The following USP8 variants were observed in gnomAD, a reference collection of about 807,000 sequenced individuals.
USP8 encodes ubiquitin specific peptidase 8, also known as ubiquitin carboxyl-terminal hydrolase 8.
A neutral mutation model predicts 130.0 loss-of-function variants in USP8; 27 were observed. That is an observed-to-expected ratio of 0.21 (90% CI 0.15 to 0.29). USP8 has a LOEUF of 0.29. Ranked by LOEUF, USP8 falls within the 10% of genes least tolerant of loss-of-function variation. The probability of loss-of-function intolerance (pLI) is 1.00; values close to 1 mark genes in which losing one functional copy is unlikely to be tolerated. For synonymous variants in USP8, 392 were observed against 444.1 expected (o/e 0.88, Z 1.48); for missense variants, 1,029 against 1,312.2 (o/e 0.78, Z 3.33).
chr15:50,433,146 G>A (rs149080813), intron 1 of USP8, among the ~76,000 whole-genome samples: 57 of 152,146 alleles, frequency 3.7e-4, no homozygotes, highest in African/African-American at 1.3e-3. Context: ...GGAGGCTGAG[G>A]CTGCTTGAAT....
At chr15:50,487,362 AAGAGAGAG>A (rs112249459) in intron 12 of USP8, among the ~76,000 whole-genome samples, 6 of 150,086 alleles carry the variant, frequency 4.0e-5, no homozygotes, top group Non-Finnish European at 7.4e-5. Context: ...AGAGAAAATG[AAGAGAGAG>A]AGAGAGAGAG....
chr15:50,433,647 C>T (rs532300588), intron 1 of USP8, among the ~76,000 whole-genome samples: 8 of 152,020 alleles, frequency 5.3e-5, no homozygotes, highest in Admixed American at 2.6e-4. Context: ...TCTCTGTTGC[C>T]CAGGCTGCAG....
intron 12 of USP8, among the ~76,000 whole-genome samples, chr15:50,487,550 C>G (rs1387659123): frequency 6.6e-6 from 1 of 152,204 alleles, no homozygotes; most frequent in Non-Finnish European, 1.5e-5. Flanking sequence ...GGGCTTCACA[C>G]CAGCTACAGC....
rs757196521 is a variant in USP8, at chr15:50,441,419, G to A, written c.175G>A (p.Ala59Thr). The change falls in exon 3 of 20, where the codon GCC becomes ACC. Residue 59 changes from alanine (A) to threonine (T), a missense_variant. Transcript: ENST00000307179. The stretch of plus-strand genomic sequence containing the variant: ...CAGATTAGATCGTGATGAGGAAAGG[G>A]CCTATGTACTATATATGAAATACGT... ...ECRLDRDEER[A>T]YVLYMKYVTV... 6.2e-7 allele frequency: 1 copy of A among 1,609,500 alleles called. No individual in the cohort carries two copies. Among genetic ancestry groups the A allele is most frequent in the Non-Finnish European group, 8.5e-7 (1 of 1,178,930 alleles).
rs1196903263 is a variant in USP8, at chr15:50,506,575, CA to C, written c.*7491del. 1.3e-5 allele frequency: 2 copies of C among 152,070 alleles called. No homozygotes were observed. Among genetic ancestry groups the C allele is most frequent in the South Asian group, 2.1e-4 (1 of 4,836 alleles). 9.4% of individuals were successfully genotyped at this position (152,070 alleles called of 1,614,324 possible). Reference sequence around the variant, plus strand: ...TAGAAAAATAAGGCTAACATAAACACAAAAGAAGATGACGACAAGTAAATCC... The same window carrying C: ...TAGAAAAATAAGGCTAACATAAACACAAAGAAGATGACGACAAGTAAATCC... On this transcript the variant is annotated 3_prime_UTR_variant, in exon 20 of 20. Coordinates refer to ENST00000307179, the MANE Select transcript of USP8 (RefSeq NM_005154.5).
intron 3 of USP8, among the ~76,000 whole-genome samples, chr15:50,444,889 C>T (rs574114382): frequency 6.0e-4 from 92 of 152,214 alleles, no homozygotes; most frequent in African/African-American, 2.1e-3. Flanking sequence ...TCCAGAGTAG[C>T]TGGGAGTACA....
rs1481957747 is a variant in USP8, at chr15:50,439,154, A to G, written c.81A>G (p.Lys27=). ...LKDLNKKTEV[K]PEKISTKSYV... is the part of the protein sequence containing the mutation. ...ACCTTAATAAGAAGACAGAAGTTAA[A>G]CCAGAGAAAATAAGCACTAAGAGGT... The change falls in exon 2 of 20, where the codon AAA becomes AAG. Residue 27 remains lysine, a synonymous_variant. Coordinates refer to ENST00000307179, the MANE Select transcript of USP8 (RefSeq NM_005154.5). The G allele has an allele frequency of 2.5e-6, 4 of 1,576,644 alleles. No individual in the cohort carries two copies. The highest frequency in any genetic ancestry group is 3.4e-6 in the Non-Finnish European group (4 of 1,167,446).
At chr15:50,430,120 T>A (rs2049884039) in intron 1 of USP8, among the ~76,000 whole-genome samples, 1 of 152,138 alleles carries the variant, frequency 6.6e-6, no homozygotes, top group Non-Finnish European at 1.5e-5. Context: ...AAGAGTTGTA[T>A]TTTTTTAGTA....
At chr15:50,438,065 G>T (rs2050142110) in intron 1 of USP8, among the ~76,000 whole-genome samples, 1 of 152,132 alleles carries the variant, frequency 6.6e-6, no homozygotes, top group South Asian at 2.1e-4. Flanking sequence ...ATGTGCACAG[G>T]GTTAGAAGGG....
At chr15:50,438,234 A>G (rs2050146410) in intron 1 of USP8, among the ~76,000 whole-genome samples, 1 of 152,226 alleles carries the variant, frequency 6.6e-6, no homozygotes. Context: ...TTAGATGTTC[A>G]TTGATGTCCA....
Position 50,449,435 on chromosome 15 carries a change from C to CA in USP8, c.291dup (p.Ala98SerfsTer6). On this transcript the variant is annotated frameshift_variant, in exon 4 of 20. Transcript: ENST00000307179. LOFTEE classifies it high-confidence loss of function. ...ATTCAATACTTGGACCTGGAAACATCAAAAAAGCTGTCGAAGAAGCTGAAA... is the reference window on the plus strand; with the variant it reads ...ATTCAATACTTGGACCTGGAAACATCAAAAAAAGCTGTCGAAGAAGCTGAAA... The CA allele has an allele frequency of 6.3e-7, 1 of 1,597,230 alleles. No individual in the cohort carries two copies. The highest frequency in any genetic ancestry group is 8.5e-7 in the Non-Finnish European group (1 of 1,170,698).
chr15:50,478,206 T>C (rs1192039088), intron 10 of USP8, among the ~76,000 whole-genome samples: 1 of 152,246 alleles, frequency 6.6e-6, no homozygotes, highest in Non-Finnish European at 1.5e-5. Context: ...AAAACAGTGC[T>C]TTAGTTTCAT....
intron 16 of USP8, among the ~76,000 whole-genome samples, chr15:50,494,591 T>C (rs1382361767): frequency 1.3e-5 from 2 of 152,250 alleles, no homozygotes; most frequent in Non-Finnish European, 2.9e-5. Context: ...TATAGACAGT[T>C]TGAGCATTTT....
chr15:50,464,733 G>C (rs1595941203), intron 6 of USP8, among the ~76,000 whole-genome samples: 1 of 152,084 alleles, frequency 6.6e-6, no homozygotes, highest in African/African-American at 2.4e-5. Flanking sequence ...AACAGCCTGT[G>C]TTCCCAGCTA....
intron 17 of USP8, 147 bp downstream of exon 17, chr15:50,496,231 C>T (rs62019113): frequency 0.15 from 95,444 of 629,816 alleles, 9,115 homozygotes; most frequent in Admixed American, 0.28. Flanking sequence ...CTTGTACTCC[C>T]AGCACTTTGG....
intron 3 of USP8, among the ~76,000 whole-genome samples, chr15:50,444,033 T>G (rs983194543): frequency 6.6e-6 from 1 of 152,116 alleles, no homozygotes; most frequent in Non-Finnish European, 1.5e-5. Flanking sequence ...TAAATATTTT[T>G]GAAAGTCTTA....
At chr15:50,480,370 G>GC (rs2051721105) in intron 10 of USP8, among the ~76,000 whole-genome samples, 1 of 152,154 alleles carries the variant, frequency 6.6e-6, no homozygotes, top group South Asian at 2.1e-4. Flanking sequence ...TACTAACTGT[G>GC]CCAGGCACAG....
chr15:50,497,340 C>G (rs1210420605), intron 18 of USP8, 109 bp downstream of exon 18: 1 of 1,341,192 alleles, frequency 7.5e-7, no homozygotes, highest in Non-Finnish European at 9.9e-7. Context: ...TAACAAAGGG[C>G]GATTATCTGG....
At chr15:50,443,610 A>C (rs2050328655) in intron 3 of USP8, among the ~76,000 whole-genome samples, 1 of 151,836 alleles carries the variant, frequency 6.6e-6, no homozygotes, top group African/African-American at 2.4e-5. Flanking sequence ...CAGCCTCCCG[A>C]GTAGCTGGGA....
Sources: allele counts gnomAD v4.1 joint callset (sites outside exome capture counted in the v4.1 genomes callset), GRCh38; gene constraint gnomAD v4.1.1; transcripts MANE v1.5; gene names NCBI Gene and HGNC (gene_info 2026-07-23, HGNC 2026-07-21).